NKD1: variants seen among roughly 807,000 people sequenced by gnomAD.
NKD1 encodes protein naked cuticle homolog 1.
NKD1 carries 21 observed loss-of-function variants against 56.0 expected under a neutral mutation model. The observed-to-expected ratio is 0.38, with a 90% CI of 0.27 to 0.54. The LOEUF (loss-of-function observed/expected upper bound fraction) is 0.54, where lower values mean the gene tolerates loss of function less well. NKD1 is among the 20% of genes least tolerant of loss of function. NKD1 has a pLI of 0.82. For synonymous variants in NKD1, 263 were observed against 265.7 expected, an observed-to-expected ratio of 0.99 and a Z score of 0.10; for missense variants, 578 against 642.7, an observed-to-expected ratio of 0.90 and a Z score of 1.09.
At chr16:50,572,695 A>G (rs2151267028) in intron 3 of NKD1, among the ~76,000 whole-genome samples, 1 of 152,262 alleles carries the variant, frequency 6.6e-6, no homozygotes, top group Admixed American at 6.5e-5. Context: ...CCCATCTCTA[A>G]AAATGAGTGC....
rs556014749 is a variant in NKD1 at position 50,646,763 on chromosome 16, G to A, written c.*12982G>A. On this transcript the variant is annotated 3_prime_UTR_variant, in exon 10 of 10. Coordinates refer to ENST00000268459, the MANE Select transcript of NKD1 (RefSeq NM_033119.5). ...GCTCCAAGGCAGGATGGGACCCCCT[G>A]GTTTGGGAAAATCAGAAAAGGCCTC... is the stretch of plus-strand genomic sequence containing the variant. The A allele has an allele frequency of 6.6e-6, 1 of 152,332 alleles. No individual in the cohort carries two copies. Among genetic ancestry groups the A allele is most frequent in the Non-Finnish European group, 1.5e-5 (1 of 68,122 alleles). 9.4% of individuals were successfully genotyped at this position (152,332 alleles called of 1,614,324 possible).
At chr16:50,610,634 C>A (rs1049849354) in intron 4 of NKD1, among the ~76,000 whole-genome samples, 4 of 152,164 alleles carry the variant, frequency 2.6e-5, no homozygotes, top group African/African-American at 9.7e-5. Flanking sequence ...TGCCTCTTGG[C>A]GGGCTGGAGA....
rs1213562372 is a variant in NKD1 at position 50,641,199 on chromosome 16, G to A, written c.*7418G>A. ...CGGGGGTGGTCTGCTTGTATCAGCA[G>A]GCCTGTCATGGCCAGTTCAATGGTC... On this transcript the variant is annotated 3_prime_UTR_variant, in exon 10 of 10. Transcript: ENST00000268459. 2 of 152,242 alleles carry A rather than the reference G, an allele frequency of 1.3e-5. No homozygotes were observed. The highest frequency in any genetic ancestry group is 2.9e-5 in the Non-Finnish European group (2 of 68,100). The allele number at this position is 152,242 out of a possible 1,614,324, so 9.4% of individuals were successfully genotyped here.
Position 50,633,815 on chromosome 16 carries a change from A to G in NKD1, c.*34A>G. On this transcript the variant is annotated 3_prime_UTR_variant, in exon 10 of 10. Coordinates refer to ENST00000268459, the MANE Select transcript of NKD1 (RefSeq NM_033119.5). This position sits in a 1 kb window ranked among gnomAD's most constrained non-coding sequence, Gnocchi z 4.9. Reference sequence around the variant, plus strand: ...CCCAGGGCCCCACCCTGCCATATGAAGGACCCCACCCCCGACACCACAAGG... The same window carrying G: ...CCCAGGGCCCCACCCTGCCATATGAGGGACCCCACCCCCGACACCACAAGG... 1 of 1,114,734 alleles carries G rather than the reference A, an allele frequency of 9.0e-7. No homozygotes were observed. Among genetic ancestry groups the G allele is most frequent in the Non-Finnish European group, 1.2e-6 (1 of 800,426 alleles). The allele number at this position is 1,114,734 out of a possible 1,614,324, so 69.1% of individuals were successfully genotyped here. A position where few individuals can be genotyped will look rare whatever the true frequency, so the allele number is the denominator to read the frequency against.
intron 3 of NKD1, among the ~76,000 whole-genome samples, chr16:50,583,030 C>G (rs1680012919): frequency 6.6e-6 from 1 of 152,124 alleles, no homozygotes; most frequent in Non-Finnish European, 1.5e-5. Context: ...CATTATTGCT[C>G]CATTTCAGGA....
At chr16:50,597,842 G>A (rs1961506780) in intron 3 of NKD1, among the ~76,000 whole-genome samples, 1 of 152,164 alleles carries the variant, frequency 6.6e-6, no homozygotes, top group Non-Finnish European at 1.5e-5. Context: ...GGCAGCATGC[G>A]AACTGCTGAG....
chr16:50,639,864 T>TA lies in NKD1; in HGVS notation c.*6084dup, dbSNP rs1962546312. 1.3e-5 allele frequency: 2 copies of TA among 152,288 alleles called. No homozygotes were observed. Among genetic ancestry groups the TA allele is most frequent in the Non-Finnish European group, 2.9e-5 (2 of 68,098 alleles). The allele number at this position is 152,288 out of a possible 1,614,324, so 9.4% of individuals were successfully genotyped here. A position where few individuals can be genotyped will look rare whatever the true frequency, so the allele number is the denominator to read the frequency against. ...GGACTACGGTCTGAAATTAGGGAGA[T>TA]ATGAATGTCTTTCTTGAAAACTTCT... is the stretch of plus-strand genomic sequence containing the variant. On this transcript the variant is annotated 3_prime_UTR_variant, in exon 10 of 10. Coordinates refer to ENST00000268459, the MANE Select transcript of NKD1 (RefSeq NM_033119.5).
intron 3 of NKD1, among the ~76,000 whole-genome samples, chr16:50,590,712 G>A (rs1018561355): frequency 1.3e-5 from 2 of 152,224 alleles, no homozygotes; most frequent in African/African-American, 2.4e-5. Flanking sequence ...CAGGACCCAA[G>A]CCTCAGGCCA....
At chr16:50,566,089 C>T (rs13335114) in intron 3 of NKD1, 43,976 of 909,210 alleles carry the variant, frequency 0.048, 1,570 homozygotes, top group African/African-American at 0.17. Flanking sequence ...TGGCTGGTGT[C>T]TACAAAATCG....
chr16:50,574,010 A>G, intron 3 of NKD1: 1 of 952,536 alleles, frequency 1.0e-6, no homozygotes, highest in Non-Finnish European at 1.3e-6. Context: ...ATATATACAT[A>G]GAAATTTTAA....
intron 3 of NKD1, among the ~76,000 whole-genome samples, chr16:50,567,353 C>T (rs1245503684): frequency 1.3e-5 from 2 of 152,074 alleles, no homozygotes; most frequent in African/African-American, 4.8e-5. Flanking sequence ...TCTTTGGGGC[C>T]GAAAATAGCA....
intron 3 of NKD1, among the ~76,000 whole-genome samples, chr16:50,592,661 G>A (rs1206932061): frequency 1.3e-5 from 2 of 152,176 alleles, no homozygotes; most frequent in African/African-American, 2.4e-5. Context: ...GATGCAGAGT[G>A]GGGCCCGCAC....
intron 6 of NKD1, among the ~76,000 whole-genome samples, chr16:50,628,061 C>T (rs1446116343): frequency 6.6e-6 from 1 of 152,180 alleles, no homozygotes; most frequent in African/African-American, 2.4e-5. Context: ...GATCCCTCCC[C>T]GAGATGAGCA....
chr16:50,566,478 T>G (rs1183822073), intron 3 of NKD1, among the ~76,000 whole-genome samples: 1 of 152,256 alleles, frequency 6.6e-6, no homozygotes, highest in East Asian at 1.9e-4. Flanking sequence ...AACCCATCCC[T>G]GTGCCTCTGA....
chr16:50,555,754 C>G (rs1052565098), intron 3 of NKD1: 1 of 152,182 alleles, frequency 6.6e-6, no homozygotes, highest in South Asian at 2.1e-4. Flanking sequence ...CTGGGGGGTC[C>G]TGCAGCCCCA....
At chr16:50,614,380 A>G (rs1961915944) in intron 4 of NKD1, among the ~76,000 whole-genome samples, 1 of 151,994 alleles carries the variant, frequency 6.6e-6, no homozygotes, top group Non-Finnish European at 1.5e-5. Flanking sequence ...ACACACACTC[A>G]CACACACACG....
At chr16:50,559,511 G>A (rs1198433362) in intron 3 of NKD1, among the ~76,000 whole-genome samples, 1 of 152,118 alleles carries the variant, frequency 6.6e-6, no homozygotes, top group Non-Finnish European at 1.5e-5. Flanking sequence ...CTCCTTCTCG[G>A]TGTCTGACTT....
chr16:50,648,715 A>G lies in NKD1; in HGVS notation c.*14934A>G, dbSNP rs1447971506. 2 of 152,216 alleles carry G rather than the reference A, an allele frequency of 1.3e-5. No homozygotes were observed. Among genetic ancestry groups the G allele is most frequent in the Non-Finnish European group, 2.9e-5 (2 of 68,024 alleles). 9.4% of individuals were successfully genotyped at this position (152,216 alleles called of 1,614,324 possible). On this transcript the variant is annotated 3_prime_UTR_variant, in exon 10 of 10. Coordinates refer to ENST00000268459, the MANE Select transcript of NKD1 (RefSeq NM_033119.5). ...TCCTTCGCAAATAAATTTTGTGACT[A>G]AACTCTAGTCAACAGTAAGTGTCAT...
intron 4 of NKD1, among the ~76,000 whole-genome samples, chr16:50,611,714 A>G (rs568522862): frequency 3.7e-4 from 57 of 152,250 alleles, no homozygotes; most frequent in African/African-American, 1.4e-3. Flanking sequence ...ACTTCCTGTG[A>G]ATTCGCAGCT....
Sources: gnomAD v4.1 joint callset for allele counts (sites outside exome capture counted in the v4.1 genomes callset) on GRCh38, gnomAD v4.1.1 for gene constraint, Gnocchi (gnomAD v3.1) non-coding constraint, MANE v1.5 for transcripts, NCBI Gene and HGNC (gene_info 2026-07-23, HGNC 2026-07-21) for gene names.